The following AGPAT3 variants were observed in gnomAD, a reference collection of about 807,000 sequenced individuals.
AGPAT3 encodes 1-acylglycerol-3-phosphate O-acyltransferase 3, also known as 1-acyl-sn-glycerol-3-phosphate acyltransferase gamma.
Under a neutral mutation model 47.3 loss-of-function variants are expected in AGPAT3, and 5 were observed. The observed-to-expected ratio is 0.11, with a 90% CI of 0.06 to 0.22. The LOEUF (loss-of-function observed/expected upper bound fraction) is 0.22. Ranked by LOEUF, AGPAT3 falls within the 10% of genes least tolerant of loss-of-function variation. The pLI, the probability that AGPAT3 is intolerant of heterozygous loss-of-function variation, is 1.00. For missense variants in AGPAT3, 315 were observed against 493.0 expected, an observed-to-expected ratio of 0.64 and a Z score of 3.42; for synonymous variants, 212 against 208.3, an observed-to-expected ratio of 1.02 and a Z score of -0.15.
rs968362767 is a variant in AGPAT3, at chr21:43,969,015, A to G, written c.349-103A>G. 2.3e-6 allele frequency: 3 copies of G among 1,294,906 alleles called. No individual in the cohort carries two copies. The African/African-American group carries it at 4.4e-5, about 19-fold the overall frequency. 80.2% of individuals were successfully genotyped at this position (1,294,906 alleles called of 1,614,324 possible). ...CCTGAGCCACAAAGCCGTGACTCCT[A>G]GAGCGACACCACACAGGAGCTGGGT... On this transcript the variant is annotated intron_variant, in intron 4 of 9. Coordinates refer to ENST00000291572, the MANE Select transcript of AGPAT3 (RefSeq NM_020132.5).
At chr21:43,885,338 T>A (rs1475478126) in intron 1 of AGPAT3, among the ~76,000 whole-genome samples, 1 of 152,200 alleles carries the variant, frequency 6.6e-6, no homozygotes, top group Non-Finnish European at 1.5e-5. Flanking sequence ...CTTGAACAAA[T>A]AACTTTCAAT....
intron 2 of AGPAT3, among the ~76,000 whole-genome samples, chr21:43,909,020 C>T (rs566947673): frequency 1.3e-5 from 2 of 152,328 alleles, no homozygotes; most frequent in South Asian, 4.1e-4. Context: ...TGAGAGCAGG[C>T]GGGCCTCACC....
chr21:43,915,242 G>A (rs1254228886), intron 2 of AGPAT3, among the ~76,000 whole-genome samples: 3 of 150,956 alleles, frequency 2.0e-5, no homozygotes, highest in Admixed American at 6.6e-5. Flanking sequence ...AGTAGAGATG[G>A]GATTTTACCA....
At chr21:43,980,465 G>C (rs1201550790) in intron 8 of AGPAT3, among the ~76,000 whole-genome samples, 1 of 152,200 alleles carries the variant, frequency 6.6e-6, no homozygotes, top group Non-Finnish European at 1.5e-5. Flanking sequence ...CCTTCTGCAG[G>C]TGGCCCTGGC....
intron 2 of AGPAT3, among the ~76,000 whole-genome samples, chr21:43,940,500 T>A (rs2087617874): frequency 6.6e-6 from 1 of 152,126 alleles, no homozygotes. Context: ...GAACTCATTC[T>A]GATCCCTCCT....
chr21:43,917,151 A>G (rs2086749126), intron 2 of AGPAT3, among the ~76,000 whole-genome samples: 1 of 151,944 alleles, frequency 6.6e-6, no homozygotes, highest in African/African-American at 2.4e-5. Context: ...GTTGTCCTCA[A>G]AGCACACGGT....
At position 43,983,228 on chromosome 21, in the gene AGPAT3, C is replaced by T. The variant is rs1353220408; in HGVS notation, c.*836C>T. The T allele has an allele frequency of 1.3e-5, 2 of 152,318 alleles. No homozygotes were observed. Among genetic ancestry groups the T allele is most frequent in the Admixed American group, 1.3e-4 (2 of 15,294 alleles). 9.4% of individuals were successfully genotyped at this position (152,318 alleles called of 1,614,324 possible). The stretch of plus-strand genomic sequence containing the variant: ...ACCCTCGGGGCTACCGCGCGCCCCC[C>T]CATCCCACAGATCAGGAGCCAAGGA... On this transcript the variant is annotated 3_prime_UTR_variant, in exon 10 of 10. Transcript: ENST00000291572.
chr21:43,902,139 G>T (rs1400218928), intron 1 of AGPAT3, among the ~76,000 whole-genome samples: 2 of 152,164 alleles, frequency 1.3e-5, no homozygotes, highest in African/African-American at 2.4e-5. Context: ...CGAGAATCCT[G>T]AAAGTAGACA....
In AGPAT3 at chr21:43,912,350, G is replaced by A. The variant is rs146025011; in HGVS notation, c.-49+8331G>A. Among the ~76,000 whole-genome samples the A allele has an allele frequency of 9.8e-5, 15 of 152,374 alleles. No individual in the cohort carries two copies. The East Asian group carries it at 2.9e-3, about 29-fold the overall frequency. ...CCCTTCCTCATCTCTCCCAAGTGAG[G>A]ATGAATTTCTCCTGAGGAAGGCGCT... is the stretch of plus-strand genomic sequence containing the variant. On this transcript the variant is annotated intron_variant, in intron 2 of 9. Coordinates refer to ENST00000291572, the MANE Select transcript of AGPAT3 (RefSeq NM_020132.5).
Position 43,976,992 on chromosome 21 carries a change from G to A in AGPAT3, c.768-1054G>A, listed in dbSNP as rs569813876. ...AGATTTTAATATATCATATGTGAGCGGCTTACCCTGTGTACTTACTCAAAT... is the reference window on the plus strand; with the variant it reads ...AGATTTTAATATATCATATGTGAGCAGCTTACCCTGTGTACTTACTCAAAT... On this transcript the variant is annotated intron_variant, in intron 7 of 9. Coordinates refer to ENST00000291572, the MANE Select transcript of AGPAT3 (RefSeq NM_020132.5). Among the ~76,000 whole-genome samples, 4 of 152,254 alleles carry A rather than the reference G, an allele frequency of 2.6e-5. No homozygotes were observed. In the East Asian group the frequency reaches 5.8e-4, roughly 22 times the overall value.
intron 2 of AGPAT3, among the ~76,000 whole-genome samples, chr21:43,936,430 T>G (rs1400882564): frequency 6.6e-6 from 1 of 152,248 alleles, no homozygotes; most frequent in African/African-American, 2.4e-5. Context: ...GCCTCTGCCC[T>G]CCTGGCACAC....
At chr21:43,906,331 C>G (rs954045410) in intron 2 of AGPAT3, among the ~76,000 whole-genome samples, 5 of 152,110 alleles carry the variant, frequency 3.3e-5, no homozygotes, top group Admixed American at 1.3e-4. Flanking sequence ...GCAGCTCCCC[C>G]CCGCCCAAGC....
intron 2 of AGPAT3, among the ~76,000 whole-genome samples, chr21:43,949,863 C>T (rs1238406866): frequency 1.3e-5 from 2 of 152,218 alleles, no homozygotes; most frequent in Admixed American, 6.5e-5. Flanking sequence ...CTGCTGGGCC[C>T]CTCTCCTTGG....
At chr21:43,935,119 G>A (rs1188210566) in intron 2 of AGPAT3, among the ~76,000 whole-genome samples, 1 of 152,268 alleles carries the variant, frequency 6.6e-6, no homozygotes, top group East Asian at 1.9e-4. Context: ...AGAGCGTGAG[G>A]AAGCAGTGGG....
At chr21:43,892,227 A>C (rs530499127) in intron 1 of AGPAT3, among the ~76,000 whole-genome samples, 2 of 152,064 alleles carry the variant, frequency 1.3e-5, no homozygotes, top group African/African-American at 4.8e-5. Context: ...GAATCGCTTG[A>C]ATCTGGGAGG....
intron 1 of AGPAT3, among the ~76,000 whole-genome samples, chr21:43,887,154 C>G (rs913431507): frequency 2.0e-5 from 3 of 152,248 alleles, no homozygotes; most frequent in African/African-American, 7.2e-5. Context: ...CCAGCTCCTT[C>G]TCTGTTTTTG....
intron 2 of AGPAT3, among the ~76,000 whole-genome samples, chr21:43,959,325 T>TTG (rs377191686): frequency 6.3e-5 from 8 of 127,180 alleles, no homozygotes; most frequent in African/African-American, 1.8e-4. Context: ...GTGTGTGTGG[T>TTG]TGTGTGTGTG....
chr21:43,967,570 C>T (rs532249086), intron 3 of AGPAT3: 8 of 196,492 alleles, frequency 4.1e-5, no homozygotes, highest in Non-Finnish European at 5.2e-5. Context: ...TGCAGACATA[C>T]GATGGTTGTT....
intron 1 of AGPAT3, among the ~76,000 whole-genome samples, chr21:43,901,787 C>A (rs2086364371): frequency 6.6e-6 from 1 of 151,866 alleles, no homozygotes; most frequent in African/African-American, 2.4e-5. Flanking sequence ...AGAAAAAAGA[C>A]CCAAATAAAT....
Sources: gnomAD v4.1 joint callset for allele counts (sites outside exome capture counted in the v4.1 genomes callset) on GRCh38, gnomAD v4.1.1 for gene constraint, MANE v1.5 for transcripts, NCBI Gene and HGNC (gene_info 2026-07-23, HGNC 2026-07-21) for gene names.